The following CSMD1 variants were observed in gnomAD, a reference collection of about 807,000 sequenced individuals.
CSMD1 encodes the protein CUB and sushi domain-containing protein 1.
CSMD1 carries 213 observed loss-of-function variants against 417.5 expected under a neutral mutation model. The ratio of observed to expected loss-of-function variants is 0.51; its 90% CI spans 0.46 to 0.57. CSMD1 has a LOEUF of 0.57. Among genes scored for constraint, CSMD1 ranks in the 20% least tolerant of loss-of-function variants. The pLI, the probability that CSMD1 is intolerant of heterozygous loss-of-function variation, is 0.00. For missense variants in CSMD1, 6,923 were observed against 4,529.7 expected (o/e 1.53, Z -15.17); for synonymous variants, 2,862 against 1,736.8 (o/e 1.65, Z -16.11).
intron 5 of CSMD1, among the ~76,000 whole-genome samples, chr8:3,957,321 C>T (rs1240226941): frequency 6.6e-6 from 1 of 152,106 alleles, no homozygotes; most frequent in Non-Finnish European, 1.5e-5. Context: ...TTGTTTCTTT[C>T]ATTCAACAAA....
chr8:4,370,956 G>A (rs1424311410), intron 3 of CSMD1, among the ~76,000 whole-genome samples: 1 of 152,178 alleles, frequency 6.6e-6, no homozygotes, highest in Non-Finnish European at 1.5e-5. Flanking sequence ...TGAATCCATT[G>A]CTGGCGAGCT....
rs376989772 is a variant in CSMD1, at chr8:3,029,055, G to A, written c.7855+264C>T. Among the ~76,000 whole-genome samples the A allele has an allele frequency of 5.3e-5, 8 of 152,170 alleles. No homozygotes were observed. In the East Asian group the frequency reaches 1.5e-3, roughly 29 times the overall value. On this transcript the variant is annotated intron_variant, in intron 51 of 69. Coordinates refer to ENST00000635120, the MANE Select transcript of CSMD1 (RefSeq NM_033225.6). ...TACACATAGGTTTGTATTTGTCTTTGAGCTGATTTGAAATACAGTTGGAGA... is the reference window on the plus strand; with the variant it reads ...TACACATAGGTTTGTATTTGTCTTTAAGCTGATTTGAAATACAGTTGGAGA...
intron 3 of CSMD1, among the ~76,000 whole-genome samples, chr8:4,085,657 T>C (rs1667835181): frequency 6.6e-6 from 1 of 152,214 alleles, no homozygotes. Flanking sequence ...CCTAGGTTTT[T>C]GCATACTGTG....
chr8:3,293,052 T>G (rs1803697818), intron 25 of CSMD1, among the ~76,000 whole-genome samples: 1 of 152,204 alleles, frequency 6.6e-6, no homozygotes, highest in African/African-American at 2.4e-5. Flanking sequence ...CATTTGCTTG[T>G]GTGTAAAGTA....
chr8:3,110,213 A>T lies in CSMD1; in HGVS notation c.6553T>A (p.Tyr2185Asn). 1 of 1,613,174 alleles carries T rather than the reference A, an allele frequency of 6.2e-7. No homozygotes were observed. The highest frequency in any genetic ancestry group is 8.5e-7 in the Non-Finnish European group (1 of 1,179,586). Residue 2185 changes from tyrosine to asparagine, a missense_variant, in exon 43 of 70, where the codon TAC becomes AAC. Tyr to Asn is a moderately radical substitution (Grantham distance 143, BLOSUM62 -2). Coordinates refer to ENST00000635120, the MANE Select transcript of CSMD1 (RefSeq NM_033225.6). ...LITVPPGHGV[Y>N]INFTLLQTEA... ...GTCTGTAACAGGGTGAAGTTGATGT[A>T]AACTCCGTGCCCTGGAGGCACCGTG...
chr8:4,540,708 G>A (rs910018689), intron 2 of CSMD1, among the ~76,000 whole-genome samples: 9 of 152,118 alleles, frequency 5.9e-5, no homozygotes, highest in African/African-American at 1.4e-4. Flanking sequence ...CTGTAACTGC[G>A]GATGCTTACC....
intron 18 of CSMD1, among the ~76,000 whole-genome samples, chr8:3,381,185 T>A (rs1810605504): frequency 6.6e-6 from 1 of 151,938 alleles, no homozygotes; most frequent in African/African-American, 2.4e-5. Flanking sequence ...AACTTTTCAA[T>A]CTTTACAGGT....
intron 10 of CSMD1, among the ~76,000 whole-genome samples, chr8:3,555,867 T>C (rs1799120663): frequency 6.6e-6 from 1 of 152,134 alleles, no homozygotes; most frequent in Non-Finnish European, 1.5e-5. Flanking sequence ...AGTGGAGCAT[T>C]TTAATAATAC....
chr8:3,593,296 C>G (rs1011131509), intron 8 of CSMD1, among the ~76,000 whole-genome samples: 2 of 152,186 alleles, frequency 1.3e-5, no homozygotes, highest in African/African-American at 4.8e-5. Flanking sequence ...TCCTTAGTTC[C>G]CAGCTGTGGC....
At chr8:4,339,763 C>A (rs771405535) in intron 3 of CSMD1, among the ~76,000 whole-genome samples, 8 of 152,030 alleles carry the variant, frequency 5.3e-5, no homozygotes, top group Admixed American at 1.3e-4. Context: ...GGGGCTTACA[C>A]CAAAAATCCT....
At chr8:4,155,444 G>A (rs1246136986) in intron 3 of CSMD1, among the ~76,000 whole-genome samples, 1 of 152,128 alleles carries the variant, frequency 6.6e-6, no homozygotes, top group Non-Finnish European at 1.5e-5. Flanking sequence ...AACCTTGTTT[G>A]GGAAATGAAA....
intron 37 of CSMD1, among the ~76,000 whole-genome samples, chr8:3,175,479 T>TCCTG (rs1554451316): frequency 2.2e-3 from 61 of 27,746 alleles, no homozygotes; most frequent in African/African-American, 5.1e-3. Context: ...TCTTTTCCCT[T>TCCTG]CCTTCCTGCC....
At chr8:4,682,443 T>G (rs1386649941) in intron 1 of CSMD1, among the ~76,000 whole-genome samples, 2 of 152,046 alleles carry the variant, frequency 1.3e-5, no homozygotes, top group Non-Finnish European at 2.9e-5. Context: ...TTGCTATGAA[T>G]TTTTTTTCAT....
intron 1 of CSMD1, among the ~76,000 whole-genome samples, chr8:4,984,397 AT>A (rs1811061114): frequency 6.6e-6 from 1 of 152,218 alleles, no homozygotes; most frequent in African/African-American, 2.4e-5. Context: ...TACGCTTCCG[AT>A]CCGACCTTCA....
At chr8:4,858,599 C>T (rs965585052) in intron 1 of CSMD1, among the ~76,000 whole-genome samples, 6 of 152,136 alleles carry the variant, frequency 3.9e-5, no homozygotes, top group Non-Finnish European at 7.3e-5. Context: ...TCAAAAATCA[C>T]AAGCATTCTT....
chr8:3,621,608 T>G (rs28542613), intron 7 of CSMD1, among the ~76,000 whole-genome samples: 18,127 of 152,040 alleles, frequency 0.12, 1,140 homozygotes, highest in African/African-American at 0.14. Flanking sequence ...TTTTTCTTTT[T>G]TTGAGACAGA....
chr8:4,911,048 C>CT (rs1483102640), intron 1 of CSMD1, among the ~76,000 whole-genome samples: 3 of 152,210 alleles, frequency 2.0e-5, no homozygotes, highest in South Asian at 2.1e-4. Context: ...TAAGATGTGA[C>CT]TTGCTCCTCC....
chr8:4,703,405 C>T (rs1807713060), intron 1 of CSMD1, among the ~76,000 whole-genome samples: 1 of 152,190 alleles, frequency 6.6e-6, no homozygotes, highest in South Asian at 2.1e-4. Flanking sequence ...AACATCATTT[C>T]TGTCACCTGT....
At chr8:4,764,414 T>A (rs1040242729) in intron 1 of CSMD1, among the ~76,000 whole-genome samples, 8 of 152,222 alleles carry the variant, frequency 5.3e-5, no homozygotes, top group African/African-American at 1.2e-4. Flanking sequence ...TTTACAATTT[T>A]ATCAAGTTTG....
Sources: gnomAD v4.1 joint callset for allele counts (sites outside exome capture counted in the v4.1 genomes callset) on GRCh38, gnomAD v4.1.1 for gene constraint, MANE v1.5 for transcripts, NCBI Gene and HGNC (gene_info 2026-07-23, HGNC 2026-07-21) for gene names.